The following UBAC2 variants were observed in gnomAD, a reference collection of about 807,000 sequenced individuals.
UBAC2 encodes the protein UBA domain containing 2.
UBAC2 carries 26 observed loss-of-function variants against 44.0 expected under a neutral mutation model. The ratio of observed to expected loss-of-function variants is 0.59; its 90% CI spans 0.43 to 0.82. The LOEUF (loss-of-function observed/expected upper bound fraction) is 0.82, where lower values mean the gene tolerates loss of function less well. Ranked by LOEUF, UBAC2 falls within the 40% of genes least tolerant of loss-of-function variation. The pLI, the probability that UBAC2 is intolerant of heterozygous loss-of-function variation, is 0.00. For missense variants in UBAC2, 329 were observed against 419.4 expected, an observed-to-expected ratio of 0.78 and a Z score of 1.88; for synonymous variants, 155 against 154.3, an observed-to-expected ratio of 1.00 and a Z score of -0.04.
Position 99,207,472 on chromosome 13 carries a change from T to C in UBAC2, c.31+6533T>C, listed in dbSNP as rs117839943. Among the ~76,000 whole-genome samples, 438 of 152,352 alleles carry C rather than the reference T, an allele frequency of 2.9e-3. 1 individual carries two copies. The highest frequency in any genetic ancestry group is 5.4e-3 in the Non-Finnish European group (369 of 68,038). ...CAGCTCTTAAAAGGTGATCTTCCCT[T>C]ATTTTTTCCCTGTTCTCATCTCCCT... is the stretch of plus-strand genomic sequence containing the variant. On this transcript the variant is annotated intron_variant, in intron 1 of 8. Coordinates refer to ENST00000403766, the MANE Select transcript of UBAC2 (RefSeq NM_001144072.2).
chr13:99,282,922 G>C (rs1243788524), intron 4 of UBAC2, among the ~76,000 whole-genome samples: 3 of 152,202 alleles, frequency 2.0e-5, no homozygotes, highest in Non-Finnish European at 2.9e-5. Flanking sequence ...TAATGTGCTT[G>C]AAATCTAATG....
intron 1 of UBAC2, among the ~76,000 whole-genome samples, chr13:99,204,901 C>CTTTTTT (rs569772649): frequency 2.6e-5 from 2 of 75,950 alleles, no homozygotes; most frequent in African/African-American, 5.3e-5. Context: ...GTTTCGTTTC[C>CTTTTTT]TTTTTTTTTT....
At chr13:99,381,542 G>A (rs187082083) in intron 8 of UBAC2, among the ~76,000 whole-genome samples, 2 of 152,298 alleles carry the variant, frequency 1.3e-5, no homozygotes, top group Non-Finnish European at 2.9e-5. Flanking sequence ...GGGGGCCATG[G>A]CATCATGGTG....
intron 4 of UBAC2, among the ~76,000 whole-genome samples, chr13:99,272,821 G>A (rs190665213): frequency 2.0e-5 from 3 of 152,066 alleles, no homozygotes; most frequent in South Asian, 2.1e-4. Context: ...ATTTAGGGGT[G>A]GGGGGAGACA....
intron 6 of UBAC2, among the ~76,000 whole-genome samples, chr13:99,338,039 CT>C (rs747905404): frequency 0.44 from 39,574 of 90,408 alleles, 8,986 homozygotes; most frequent in Non-Finnish European, 0.51. Flanking sequence ...AACTTTTTTT[CT>C]TTTTTTCTTT....
At chr13:99,276,188 C>T (rs766441711) in intron 4 of UBAC2, among the ~76,000 whole-genome samples, 1 of 152,166 alleles carries the variant, frequency 6.6e-6, no homozygotes, top group Non-Finnish European at 1.5e-5. Flanking sequence ...AAGTAGTACT[C>T]CAGTTCTTCT....
Position 99,295,061 on chromosome 13 carries a change from C to T in UBAC2, c.390-19036C>T, listed in dbSNP as rs1163618045. 3 of 1,612,012 alleles carry T rather than the reference C, an allele frequency of 1.9e-6. No homozygotes were observed. The highest frequency in any genetic ancestry group is 2.5e-6 in the Non-Finnish European group (3 of 1,179,054). On this transcript the variant is annotated intron_variant, in intron 4 of 8. Coordinates refer to ENST00000403766, the MANE Select transcript of UBAC2 (RefSeq NM_001144072.2). This position sits in a 1 kb window ranked among gnomAD's most constrained non-coding sequence, Gnocchi z 4.1. ...CTATAAACCAAAATACAATCCATTT[C>T]ACTTTCCATTTGAAGACTTGGAATG...
intron 4 of UBAC2, chr13:99,255,489 G>T (rs367651389): frequency 1.2e-6 from 2 of 1,614,010 alleles, no homozygotes; most frequent in South Asian, 1.1e-5. Context: ...GTTCTTTGGC[G>T]TACTTCGGCT....
At chr13:99,338,031 C>CTTTTTTT (rs1053874226) in intron 6 of UBAC2, among the ~76,000 whole-genome samples, 1 of 41,768 alleles carries the variant, frequency 2.4e-5, no homozygotes, top group Admixed American at 2.5e-4. Flanking sequence ...AATCTCCTAA[C>CTTTTTTT]TTTTTTTCTT....
At chr13:99,320,311 C>A (rs2044551139) in intron 6 of UBAC2, among the ~76,000 whole-genome samples, 1 of 151,954 alleles carries the variant, frequency 6.6e-6, no homozygotes, top group Non-Finnish European at 1.5e-5. Context: ...AGTGGGGTAC[C>A]TGTTTTAACT....
intron 7 of UBAC2, among the ~76,000 whole-genome samples, chr13:99,360,633 C>T (rs1188762694): frequency 1.3e-5 from 2 of 152,160 alleles, no homozygotes; most frequent in African/African-American, 4.8e-5. Flanking sequence ...TTTCTTTGAA[C>T]ACCTTGGGGA....
At chr13:99,264,135 C>T (rs2043708139) in intron 4 of UBAC2, among the ~76,000 whole-genome samples, 1 of 152,122 alleles carries the variant, frequency 6.6e-6, no homozygotes, top group Admixed American at 6.5e-5. Context: ...GAAGGAGAGA[C>T]CCCAGTCAAG....
chr13:99,359,815 C>T (rs902733885), intron 7 of UBAC2, among the ~76,000 whole-genome samples: 1 of 152,216 alleles, frequency 6.6e-6, no homozygotes, highest in Non-Finnish European at 1.5e-5. Flanking sequence ...CCTAAAGAGT[C>T]ACATCGCCCT....
At chr13:99,376,321 G>A (rs887088818) in intron 8 of UBAC2, among the ~76,000 whole-genome samples, 2 of 152,240 alleles carry the variant, frequency 1.3e-5, no homozygotes, top group Non-Finnish European at 2.9e-5. Flanking sequence ...GTGAAGGGCT[G>A]CTGACGCCTG....
chr13:99,211,695 C>T (rs938685271), intron 1 of UBAC2, among the ~76,000 whole-genome samples: 1 of 152,178 alleles, frequency 6.6e-6, no homozygotes, highest in Admixed American at 6.5e-5. Flanking sequence ...GATTTGAACC[C>T]AGATGGTCTG....
chr13:99,262,710 CAAAAAAAAAAAAAAAA>C lies in UBAC2; in HGVS notation c.389+18101_389+18116del, dbSNP rs61627160. 2.8e-4 allele frequency among the ~76,000 whole-genome samples: 16 copies of C among 57,162 alleles called. 1 individual carries two copies. The highest frequency in any genetic ancestry group is 1.2e-3 in the Admixed American group (5 of 4,312). The allele number at this position is 57,162 out of a possible 152,430, so 37.5% of individuals were successfully genotyped here. ...TGGGCAACAGAGCAGAACTCCCTCTCAAAAAAAAAAAAAAAAAAAAAAAAAAAAAAGGACTTGTGGA... is the reference window on the plus strand; with the variant it reads ...TGGGCAACAGAGCAGAACTCCCTCTCAAAAAAAAAAAAAAGGACTTGTGGA... On this transcript the variant is annotated intron_variant, in intron 4 of 8. Coordinates refer to ENST00000403766, the MANE Select transcript of UBAC2 (RefSeq NM_001144072.2).
Position 99,340,440 on chromosome 13 carries a change from A to G in UBAC2, c.682A>G (p.Thr228Ala). ...LEPIFSSSEP[T>A]SEARIGMGAT... Reference sequence around the variant, plus strand: ...ACCCATCTTCTCTTCTTCAGAACCCACCAGCGAAGCCAGAATTGGGATGGG... The same window carrying G: ...ACCCATCTTCTCTTCTTCAGAACCCGCCAGCGAAGCCAGAATTGGGATGGG... Residue 228 changes from threonine (T) to alanine (A), a missense_variant, in exon 7 of 9, where the codon ACC becomes GCC. Thr to Ala is a moderately conservative substitution (Grantham distance 58, BLOSUM62 0). Coordinates refer to ENST00000403766, the MANE Select transcript of UBAC2 (RefSeq NM_001144072.2). 1 of 1,614,184 alleles carries G rather than the reference A, an allele frequency of 6.2e-7. No individual in the cohort carries two copies. Among genetic ancestry groups the G allele is most frequent in the Non-Finnish European group, 8.5e-7 (1 of 1,180,042 alleles).
intron 8 of UBAC2, among the ~76,000 whole-genome samples, chr13:99,384,060 C>T (rs1271341456): frequency 6.6e-6 from 1 of 152,230 alleles, no homozygotes; most frequent in East Asian, 1.9e-4. Flanking sequence ...CCGGCCCCTC[C>T]TCCAGCCACC....
At chr13:99,299,671 ATCTGACATGCTTT>A (rs2044228788) in intron 4 of UBAC2, among the ~76,000 whole-genome samples, 2 of 152,144 alleles carry the variant, frequency 1.3e-5, no homozygotes, top group Admixed American at 1.3e-4. Flanking sequence ...AAACCTTGTT[ATCTGACATGCTTT>A]TCAAAGCTTG....
Sources: gnomAD v4.1 joint callset for allele counts (sites outside exome capture counted in the v4.1 genomes callset) on GRCh38, gnomAD v4.1.1 for gene constraint, Gnocchi (gnomAD v3.1) non-coding constraint, MANE v1.5 for transcripts, NCBI Gene and HGNC (gene_info 2026-07-23, HGNC 2026-07-21) for gene names.